Variants in RNF111 observed in about 807,000 individuals in gnomAD.
RNF111 encodes the protein E3 ubiquitin-protein ligase Arkadia.
A neutral mutation model predicts 95.1 loss-of-function variants in RNF111; 17 were observed. The ratio of observed to expected loss-of-function variants is 0.18; its 90% confidence interval spans 0.12 to 0.27. The LOEUF is 0.27. Among genes scored for constraint, RNF111 ranks in the 10% least tolerant of loss-of-function variants. RNF111 has a pLI of 1.00. For synonymous variants in RNF111, 440 were observed against 414.8 expected (o/e 1.06, Z -0.74); for missense variants, 1,189 against 1,210.4 (o/e 0.98, Z 0.26).
At chr15:59,058,808 T>C (rs2042308749) in intron 5 of RNF111, 1 of 398,258 alleles carries the variant, frequency 2.5e-6, no homozygotes, top group Non-Finnish European at 4.6e-6. Context: ...ACCAAAAGCA[T>C]GAGCAACAAA....
chr15:59,028,617 T>A (rs1414826310), intron 1 of RNF111, among the ~76,000 whole-genome samples: 1 of 152,186 alleles, frequency 6.6e-6, no homozygotes, highest in Non-Finnish European at 1.5e-5. Flanking sequence ...ATCTTTTGTA[T>A]GGATTTATTT....
intron 6 of RNF111, among the ~76,000 whole-genome samples, chr15:59,070,386 A>G (rs1294059065): frequency 6.6e-6 from 1 of 152,040 alleles, no homozygotes; most frequent in Non-Finnish European, 1.5e-5. Flanking sequence ...TTACTCTGGG[A>G]ATGTTCTTAA....
intron 3 of RNF111, 75 bp from the exon 4 acceptor site, chr15:59,055,607 A>G (rs979212470): frequency 2.6e-6 from 3 of 1,147,734 alleles, no homozygotes; most frequent in East Asian, 5.6e-5. Context: ...ATTTAGTAAG[A>G]AAGGCTTATG....
intron 4 of RNF111, among the ~76,000 whole-genome samples, chr15:59,057,010 G>A (rs1249455745): frequency 2.0e-5 from 3 of 152,072 alleles, no homozygotes; most frequent in Admixed American, 6.6e-5. Flanking sequence ...TTTTCTCATT[G>A]GAAAGCTTCT....
At chr15:59,064,535 C>CAAAAAAA (rs35804813) in intron 5 of RNF111, among the ~76,000 whole-genome samples, 2 of 76,734 alleles carry the variant, frequency 2.6e-5, no homozygotes, top group Admixed American at 1.5e-4. Flanking sequence ...GACTTTGTCG[C>CAAAAAAA]AAAAAAAAAA....
rs113771587 is a variant in RNF111, at chr15:59,091,170, A to G, written c.2739+16A>G. 135 of 1,458,214 alleles carry G rather than the reference A, an allele frequency of 9.3e-5. No individual in the cohort carries two copies. Among genetic ancestry groups the G allele is most frequent in the Middle Eastern group, 5.2e-4 (3 of 5,740 alleles). The allele number at this position is 1,458,214 out of a possible 1,614,324, so 90.3% of individuals were successfully genotyped here. On this transcript the variant is annotated intron_variant, in intron 12 of 13. Coordinates refer to ENST00000348370, the MANE Select transcript of RNF111 (RefSeq NM_017610.8). ...ATACAAAAAGGTAAGAATTTATTCT[A>G]TGAAACTTCTGGAGTGTTACTGAAA...
At chr15:58,988,675 A>T (rs186195135) in intron 1 of RNF111, among the ~76,000 whole-genome samples, 1 of 152,394 alleles carries the variant, frequency 6.6e-6, no homozygotes, top group East Asian at 1.9e-4. Context: ...CAGTTCTTAA[A>T]TAGGTTATAG....
intron 6 of RNF111, among the ~76,000 whole-genome samples, chr15:59,073,206 G>C (rs58335303): frequency 0.32 from 49,174 of 152,012 alleles, 8,557 homozygotes; most frequent in East Asian, 0.45. Context: ...TGCAGTGGCT[G>C]ACTTCTGTAA....
At chr15:59,038,318 G>GTA (rs1474090896) in intron 2 of RNF111, among the ~76,000 whole-genome samples, 176 of 151,616 alleles carry the variant, frequency 1.2e-3, no homozygotes, top group African/African-American at 3.4e-3. Flanking sequence ...TCTAATAGCT[G>GTA]TATATATATA....
chr15:59,005,248 A>G (rs545899683), intron 1 of RNF111, among the ~76,000 whole-genome samples: 159 of 152,270 alleles, frequency 1.0e-3, no homozygotes, highest in African/African-American at 3.5e-3. Flanking sequence ...GCTGATCTCA[A>G]ACTCCTGGGC....
chr15:59,043,614 A>G (rs1465959437), intron 2 of RNF111, among the ~76,000 whole-genome samples: 1 of 152,140 alleles, frequency 6.6e-6, no homozygotes, highest in Non-Finnish European at 1.5e-5. Context: ...GGTTTCCGGT[A>G]TTTGCTATTG....
chr15:59,089,626 A>G (rs1431564015), intron 10 of RNF111, 41 bp from the exon 11 acceptor site: 6 of 1,413,466 alleles, frequency 4.2e-6, no homozygotes, highest in Non-Finnish European at 5.0e-6. Context: ...TCACAAGTCT[A>G]TTCTTAAAAT....
At chr15:58,998,227 A>G (rs1247261471) in intron 1 of RNF111, among the ~76,000 whole-genome samples, 5 of 150,688 alleles carry the variant, frequency 3.3e-5, no homozygotes, top group South Asian at 2.1e-4. Flanking sequence ...TTAATATTCC[A>G]TGTGACAAAA....
chr15:59,095,125 AT>A lies in RNF111; in HGVS notation c.*229del. 1 of 426,980 alleles carries A rather than the reference AT, an allele frequency of 2.3e-6. No individual in the cohort carries two copies. Among genetic ancestry groups the A allele is most frequent in the Non-Finnish European group, 4.2e-6 (1 of 239,854 alleles). The allele number at this position is 426,980 out of a possible 1,614,324, so 26.4% of individuals were successfully genotyped here. A position where few individuals can be genotyped will look rare whatever the true frequency, so the allele number is the denominator to read the frequency against. The stretch of plus-strand genomic sequence containing the variant: ...TCTAGATTTGACATTTTTCTGTATC[AT>A]TTTACTGTATTTTTGCATGGTTCCT... On this transcript the variant is annotated 3_prime_UTR_variant, in exon 14 of 14. Transcript: ENST00000348370.
rs149869910 is a variant in RNF111 at position 59,030,962 on chromosome 15, A to C, written c.140A>C (p.Lys47Thr). 2 of 1,614,096 alleles carry C rather than the reference A, an allele frequency of 1.2e-6. No homozygotes were observed. Among genetic ancestry groups the C allele is most frequent in the African/African-American group, 1.3e-5 (1 of 74,944 alleles). ...CATCCAGAGCCCATTGGGGCAGCCAAAAGTTTTCCTGCAGGAGTTGAGATG... is the reference window on the plus strand; with the variant it reads ...CATCCAGAGCCCATTGGGGCAGCCACAAGTTTTCCTGCAGGAGTTGAGATG... ...LLHPEPIGAAKSFPAGVEMIN... is the reference protein window; with the variant it reads ...LLHPEPIGAATSFPAGVEMIN... The change falls in exon 2 of 14, where the codon AAA becomes ACA. Residue 47 changes from lysine (K) to threonine (T), a missense_variant. This residue lies in a region of RNF111 where 1,024 missense variants were observed against 925.9 expected (regional missense o/e 1.11). Coordinates refer to ENST00000348370, the MANE Select transcript of RNF111 (RefSeq NM_017610.8).
At chr15:59,066,712 C>A in intron 5 of RNF111, 52 bp from the exon 6 acceptor site, 1 of 1,399,790 alleles carries the variant, frequency 7.1e-7, no homozygotes. Flanking sequence ...TATTTTTTTA[C>A]ACAGTGATAT....
intron 2 of RNF111, among the ~76,000 whole-genome samples, chr15:59,034,742 T>G (rs1391794826): frequency 7.9e-5 from 12 of 152,356 alleles, no homozygotes; most frequent in Non-Finnish European, 1.6e-4. Flanking sequence ...GCAAAAAGTC[T>G]TAGCTAATTC....
chr15:59,035,224 TAA>T (rs1333889511), intron 2 of RNF111, among the ~76,000 whole-genome samples: 2 of 152,184 alleles, frequency 1.3e-5, no homozygotes, highest in African/African-American at 4.8e-5. Flanking sequence ...GGAATTATTA[TAA>T]GTCAAGGTGA....
Position 59,031,447 on chromosome 15 carries a change from A to G in RNF111, c.625A>G (p.Arg209Gly), listed in dbSNP as rs2040901972. The G allele has an allele frequency of 1.9e-6, 3 of 1,614,240 alleles. No individual in the cohort carries two copies. Among genetic ancestry groups the G allele is most frequent in the Non-Finnish European group, 2.5e-6 (3 of 1,180,048 alleles). Residue 209 changes from arginine (R) to glycine (G), a missense_variant, in exon 2 of 14, where the codon AGA (arginine) becomes GGA (glycine). This residue lies in a region of RNF111 where 1,024 missense variants were observed against 925.9 expected (regional missense o/e 1.11). Transcript: ENST00000348370. ...CTGTTTACATGGCAGTTCGTTACGG[A>G]GACTTCCATGCAGAAAGAGATTTGT... ...RPCLHGSSLR[R>G]LPCRKRFVKN...
Sources: gnomAD v4.1 joint callset for allele counts (sites outside exome capture counted in the v4.1 genomes callset) on GRCh38, gnomAD v4.1.1 for gene constraint, gnomAD v4.1.1 regional missense constraint, MANE v1.5 for transcripts, NCBI Gene and HGNC (gene_info 2026-07-23, HGNC 2026-07-21) for gene names.